The following TIAM1 variants were observed in gnomAD, a reference collection of about 807,000 sequenced individuals.
The protein encoded by TIAM1 is TIAM Rac1 associated GEF 1, also known as rho guanine nucleotide exchange factor TIAM1.
Under a neutral mutation model 163.5 loss-of-function variants are expected in TIAM1, and 65 were observed. The observed-to-expected ratio is 0.40, with a 90% confidence interval of 0.33 to 0.49. The LOEUF is 0.49. TIAM1 is among the 20% of genes least tolerant of loss of function. The pLI, the probability that TIAM1 is intolerant of heterozygous loss-of-function variation, is 0.77. For missense variants in TIAM1, 1,789 were observed against 2,044.7 expected (o/e 0.87, Z 2.41); for synonymous variants, 833 against 810.1 (o/e 1.03, Z -0.48).
At chr21:31,261,001 T>C (rs1407395321) in intron 4 of TIAM1, among the ~76,000 whole-genome samples, 3 of 152,190 alleles carry the variant, frequency 2.0e-5, no homozygotes, top group African/African-American at 7.2e-5. Flanking sequence ...AACAAACTTA[T>C]CTCTGAGTCA....
intron 2 of TIAM1, among the ~76,000 whole-genome samples, chr21:31,407,317 G>T (rs925151758): frequency 2.6e-5 from 4 of 152,174 alleles, no homozygotes; most frequent in South Asian, 4.2e-4. Context: ...CTCTCATCCT[G>T]GGCTCATGGA....
At chr21:31,446,139 C>T (rs1256180586) in intron 2 of TIAM1, among the ~76,000 whole-genome samples, 1 of 152,004 alleles carries the variant, frequency 6.6e-6, no homozygotes, top group Non-Finnish European at 1.5e-5. Context: ...CAGGGTTTCA[C>T]CATGTTGGCC....
At chr21:31,219,730 T>C (rs1421573147) in intron 8 of TIAM1, among the ~76,000 whole-genome samples, 2 of 147,796 alleles carry the variant, frequency 1.4e-5, no homozygotes, top group African/African-American at 5.3e-5. Flanking sequence ...GCTTAGCACG[T>C]TAAAAAAACA....
intron 2 of TIAM1, among the ~76,000 whole-genome samples, chr21:31,432,091 C>CA (rs2044050287): frequency 2.1e-5 from 2 of 93,664 alleles, no homozygotes; most frequent in Non-Finnish European, 4.1e-5. Flanking sequence ...TCTAAGATTC[C>CA]TTTTTTTTTT....
At chr21:31,196,354 C>T (rs1326374787) in intron 12 of TIAM1, among the ~76,000 whole-genome samples, 1 of 151,294 alleles carries the variant, frequency 6.6e-6, no homozygotes, top group Admixed American at 6.6e-5. Flanking sequence ...CTCTGTTGCC[C>T]AGGCTGGAGT....
chr21:31,137,898 T>C (rs771275703), intron 22 of TIAM1, among the ~76,000 whole-genome samples: 1 of 150,094 alleles, frequency 6.7e-6, no homozygotes, highest in Non-Finnish European at 1.5e-5. Flanking sequence ...TAAATATCTG[T>C]TGTAGAGAAC....
intron 3 of TIAM1, among the ~76,000 whole-genome samples, chr21:31,271,417 C>T: frequency 6.6e-6 from 1 of 152,108 alleles, no homozygotes; most frequent in Middle Eastern, 3.2e-3. Flanking sequence ...AAGAAACTTC[C>T]CAATCAGCTC....
rs576431786 is a variant in TIAM1 at position 31,466,193 on chromosome 21, T to C, written c.-421-2158A>G. On this transcript the variant is annotated intron_variant, in intron 1 of 28. Transcript: ENST00000286827. ...AAGGTCATTGCAATAGGGAGAAAGA[T>C]TGGGCTCAACTCCAAATACAGCAAA... 7.2e-5 allele frequency among the ~76,000 whole-genome samples: 11 copies of C among 152,328 alleles called. No homozygotes were observed. In the East Asian group the frequency reaches 1.4e-3, roughly 19 times the overall value.
intron 10 of TIAM1, among the ~76,000 whole-genome samples, chr21:31,210,704 AG>A (rs1569033553): frequency 4.4e-5 from 5 of 114,072 alleles, no homozygotes; most frequent in African/African-American, 2.8e-4. Context: ...AAAGAAAGAA[AG>A]AGAAAGAAAG....
At chr21:31,281,340 C>T (rs2146877630) in intron 2 of TIAM1, among the ~76,000 whole-genome samples, 1 of 152,240 alleles carries the variant, frequency 6.6e-6, no homozygotes, top group Middle Eastern at 3.4e-3. Flanking sequence ...CTTATCAATA[C>T]TTACCTCTAA....
At chr21:31,511,125 C>A (rs558491269) in intron 1 of TIAM1, among the ~76,000 whole-genome samples, 1 of 152,182 alleles carries the variant, frequency 6.6e-6, no homozygotes, top group East Asian at 1.9e-4. Flanking sequence ...ACCAATGCCG[C>A]GGGCACCCTG....
intron 2 of TIAM1, among the ~76,000 whole-genome samples, chr21:31,383,466 G>A (rs8132014): frequency 2.3e-3 from 352 of 152,256 alleles, no homozygotes; most frequent in African/African-American, 8.0e-3. Context: ...GGTAGGATGA[G>A]TCCTTTCCCA....
chr21:31,359,802 GA>G, intron 2 of TIAM1, among the ~76,000 whole-genome samples: 1 of 92,646 alleles, frequency 1.1e-5, no homozygotes, highest in Admixed American at 1.6e-4. Flanking sequence ...GAAAAAGAAA[GA>G]AAAAGGAAGG....
intron 8 of TIAM1, among the ~76,000 whole-genome samples, chr21:31,220,955 C>G (rs1163847640): frequency 6.6e-6 from 1 of 152,170 alleles, no homozygotes; most frequent in Non-Finnish European, 1.5e-5. Context: ...TTATGGGAAG[C>G]TTTCTCAGTG....
At chr21:31,280,138 T>G (rs8133001) in intron 2 of TIAM1, among the ~76,000 whole-genome samples, 3,619 of 152,140 alleles carry the variant, frequency 0.024, 149 homozygotes, top group African/African-American at 0.084. Context: ...AATTACCAAG[T>G]TTTTCAGTCT....
upstream of TIAM1, among the ~76,000 whole-genome samples, chr21:31,346,456 A>G (rs142938528): frequency 8.4e-3 from 1,273 of 152,280 alleles, 29 homozygotes; most frequent in African/African-American, 0.03. Flanking sequence ...GCATCCATGC[A>G]CTCACCAAGC....
chr21:31,454,426 A>G (rs191093121), intron 2 of TIAM1, among the ~76,000 whole-genome samples: 1 of 152,210 alleles, frequency 6.6e-6, no homozygotes. Context: ...TATGTAAAAA[A>G]CAAAAACTTT....
intron 2 of TIAM1, among the ~76,000 whole-genome samples, chr21:31,408,123 T>C (rs538577630): frequency 6.6e-6 from 1 of 152,358 alleles, no homozygotes; most frequent in Admixed American, 6.5e-5. Flanking sequence ...ATCAGTTCTG[T>C]TAAAAACCTA....
chr21:31,207,460 G>A (rs1289590466), intron 11 of TIAM1, among the ~76,000 whole-genome samples: 3 of 151,968 alleles, frequency 2.0e-5, no homozygotes, highest in Admixed American at 2.0e-4. Context: ...TGAAACAAAA[G>A]ACAGGCATTT....
Sources: allele counts gnomAD v4.1 joint callset (sites outside exome capture counted in the v4.1 genomes callset), GRCh38; gene constraint gnomAD v4.1.1; transcripts MANE v1.5; gene names NCBI Gene and HGNC (gene_info 2026-07-23, HGNC 2026-07-21).